The following INTS9 variants were observed in gnomAD, a reference collection of about 807,000 sequenced individuals.
The protein encoded by INTS9 is protein related to CPSF subunits of 74 kDa.
In INTS9, 55 loss-of-function variants were observed where a neutral mutation model predicts 79.7. That is an observed-to-expected ratio of 0.69 (90% CI 0.56 to 0.86). The LOEUF (loss-of-function observed/expected upper bound fraction) is 0.86. INTS9 is among the 40% of genes least tolerant of loss of function. The pLI is 0.00. For missense variants in INTS9, 721 were observed against 831.5 expected (o/e 0.87, Z 1.64); for synonymous variants, 319 against 325.2 (o/e 0.98, Z 0.20).
chr8:28,818,385 C>T (rs1805627082), intron 6 of INTS9, among the ~76,000 whole-genome samples: 1 of 151,108 alleles, frequency 6.6e-6, no homozygotes. Flanking sequence ...TTGTCAAAGG[C>T]CTTTTCTGCA....
At chr8:28,826,119 T>C (rs1806126262) in intron 6 of INTS9, among the ~76,000 whole-genome samples, 1 of 152,250 alleles carries the variant, frequency 6.6e-6, no homozygotes, top group Non-Finnish European at 1.5e-5. Flanking sequence ...ACACTGTATT[T>C]AGAAGAACAG....
intron 1 of INTS9, among the ~76,000 whole-genome samples, chr8:28,873,973 C>T (rs1209786290): frequency 6.6e-6 from 1 of 152,118 alleles, no homozygotes; most frequent in Non-Finnish European, 1.5e-5. Context: ...TGCCTTTTGC[C>T]CCCTGGTGTA....
intron 6 of INTS9, among the ~76,000 whole-genome samples, chr8:28,829,947 C>T (rs1172255068): frequency 6.6e-6 from 1 of 151,996 alleles, no homozygotes; most frequent in Non-Finnish European, 1.5e-5. Flanking sequence ...CCACATTTTC[C>T]ACCAGCCCAT....
At position 28,837,686 on chromosome 8, in the gene INTS9, C is replaced by T. The variant is rs372741538; in HGVS notation, c.352G>A (p.Gly118Ser). ...MALPYITEHT[G>S]FTGTVYATEP... ...GTGGCATACACTGTGCCTGTGAAGC[C>T]GGTGTGCTCGGTGATGTATGGCAGC... The change falls in exon 5 of 17, where the codon GGC (glycine) becomes AGC (serine). Residue 118 changes from glycine (G) to serine (S), a missense_variant. This residue lies in a region of INTS9 where 291 missense variants were observed against 307.0 expected (regional missense o/e 0.95). Transcript: ENST00000521022. 81 of 1,613,822 alleles carry T rather than the reference C, an allele frequency of 5.0e-5. No individual in the cohort carries two copies. In the South Asian group the frequency reaches 6.9e-4, roughly 14 times the overall value.
chr8:28,773,246 A>G (rs374192005), intron 14 of INTS9, among the ~76,000 whole-genome samples: 23 of 152,208 alleles, frequency 1.5e-4, no homozygotes, highest in East Asian at 3.9e-4. Flanking sequence ...GGTGGATCAC[A>G]AGGTCAGGAG....
intron 4 of INTS9, among the ~76,000 whole-genome samples, chr8:28,840,959 T>TAAA (rs1262038493): frequency 8.2e-6 from 1 of 121,544 alleles, no homozygotes. Flanking sequence ...ATAAATAAAG[T>TAAA]AAAAAAAAAA....
chr8:28,879,075 G>A (rs1041470890), intron 1 of INTS9, among the ~76,000 whole-genome samples: 6 of 152,068 alleles, frequency 3.9e-5, no homozygotes, highest in Non-Finnish European at 8.8e-5. Context: ...ATTTTCCAAC[G>A]CATTCTATGA....
intron 16 of INTS9, among the ~76,000 whole-genome samples, chr8:28,769,446 G>A (rs1425926689): frequency 6.6e-6 from 1 of 152,142 alleles, no homozygotes; most frequent in Non-Finnish European, 1.5e-5. Context: ...GCAGCCATCA[G>A]GGCTGCTGAG....
chr8:28,787,985 G>T (rs1585353525), intron 10 of INTS9, 96 bp from the exon 11 acceptor site: 9 of 677,902 alleles, frequency 1.3e-5, no homozygotes, highest in East Asian at 2.9e-5. Context: ...AAATACTGAA[G>T]TTTATTTAAA....
At chr8:28,805,714 A>G (rs1293026573) in intron 8 of INTS9, among the ~76,000 whole-genome samples, 1 of 152,292 alleles carries the variant, frequency 6.6e-6, no homozygotes, top group South Asian at 2.1e-4. Flanking sequence ...ACAGATACTG[A>G]TAAGTAAGAT....
intron 1 of INTS9, among the ~76,000 whole-genome samples, chr8:28,882,504 AG>A (rs1809929264): frequency 6.9e-6 from 1 of 144,728 alleles, no homozygotes; most frequent in East Asian, 1.9e-4. Flanking sequence ...TAAAAAAAAA[AG>A]AAATATATGC....
chr8:28,796,407 A>T lies in INTS9; in HGVS notation c.856+137T>A. 3 of 570,046 alleles carry T rather than the reference A, an allele frequency of 5.3e-6. No individual in the cohort carries two copies. The African/African-American group carries it at 5.6e-5, about 11-fold the overall frequency. The allele number at this position is 570,046 out of a possible 1,614,324, so 35.3% of individuals were successfully genotyped here. A position where few individuals can be genotyped will look rare whatever the true frequency, so the allele number is the denominator to read the frequency against. The stretch of plus-strand genomic sequence containing the variant: ...CTCTTTTCTGTGCTATTATTTGCAA[A>T]GATATACTGCCTCCCTCCTTTGACA... On this transcript the variant is annotated intron_variant, in intron 9 of 16. Transcript: ENST00000521022.
At chr8:28,768,445 G>A in intron 16 of INTS9, 123 bp from the exon 17 acceptor site, 1 of 891,976 alleles carries the variant, frequency 1.1e-6, no homozygotes, top group Non-Finnish European at 1.8e-6. Flanking sequence ...CAATTCTTCA[G>A]ACTAGTCATA....
At chr8:28,803,602 T>C (rs1027332263) in intron 8 of INTS9, among the ~76,000 whole-genome samples, 1 of 152,196 alleles carries the variant, frequency 6.6e-6, no homozygotes, top group African/African-American at 2.4e-5. Flanking sequence ...TTTCATGGTA[T>C]ATCCACGCGA....
intron 8 of INTS9, among the ~76,000 whole-genome samples, chr8:28,809,633 G>T (rs1804994669): frequency 6.6e-6 from 1 of 152,112 alleles, no homozygotes; most frequent in Admixed American, 6.6e-5. Context: ...TACTGTAAAG[G>T]CTTTGAACTA....
intron 5 of INTS9, 94 bp from the exon 6 acceptor site, chr8:28,835,472 C>T (rs1806757113): frequency 2.7e-6 from 2 of 739,478 alleles, no homozygotes; most frequent in East Asian, 5.3e-5. Context: ...GACTTGCCCA[C>T]CTCCCCCTAC....
At chr8:28,835,048 A>T (rs182477647) in intron 6 of INTS9, among the ~76,000 whole-genome samples, 11 of 152,280 alleles carry the variant, frequency 7.2e-5, no homozygotes, top group Admixed American at 2.0e-4. Flanking sequence ...TTTTCCATTA[A>T]ACTTTGACCA....
intron 1 of INTS9, 122 bp from the exon 2 acceptor site, chr8:28,859,685 T>G: frequency 9.2e-7 from 1 of 1,091,940 alleles, no homozygotes; most frequent in Non-Finnish European, 1.4e-6. Flanking sequence ...TCAGCTAACT[T>G]TCTATGTGGT....
chr8:28,888,599 G>C (rs950473599), intron 1 of INTS9, among the ~76,000 whole-genome samples: 3 of 152,112 alleles, frequency 2.0e-5, no homozygotes, highest in Non-Finnish European at 2.9e-5. Flanking sequence ...CTTCTTCTTA[G>C]GTTGCATGCT....
Sources: gnomAD v4.1 joint callset for allele counts (sites outside exome capture counted in the v4.1 genomes callset) on GRCh38, gnomAD v4.1.1 for gene constraint, gnomAD v4.1.1 regional missense constraint, MANE v1.5 for transcripts, NCBI Gene and HGNC (gene_info 2026-07-23, HGNC 2026-07-21) for gene names.